The following CDH18 variants were observed in gnomAD, a reference collection of about 807,000 sequenced individuals.
CDH18 encodes cadherin-18.
Under a neutral mutation model 67.9 loss-of-function variants are expected in CDH18, and 31 were observed. The ratio of observed to expected loss-of-function variants is 0.46; its 90% CI spans 0.34 to 0.62. The LOEUF (loss-of-function observed/expected upper bound fraction) is 0.62. CDH18 is among the 20% of genes least tolerant of loss of function. CDH18 has a pLI of 0.01. For synonymous variants in CDH18, 362 were observed against 347.2 expected (o/e 1.04, Z -0.48); for missense variants, 890 against 975.5 (o/e 0.91, Z 1.17).
chr5:20,432,477 A>T (rs538332640), intron 1 of CDH18, among the ~76,000 whole-genome samples: 110 of 152,252 alleles, frequency 7.2e-4, no homozygotes, highest in Admixed American at 1.2e-3. Flanking sequence ...GAGATTTTAT[A>T]AAAAATATCA....
chr5:20,123,604 C>T (rs1252638153), intron 2 of CDH18, among the ~76,000 whole-genome samples: 1 of 152,144 alleles, frequency 6.6e-6, no homozygotes, highest in African/African-American at 2.4e-5. Flanking sequence ...TACAGGTCGG[C>T]CCGGCGCGGT....
At chr5:20,568,281 C>G (rs1758626621) in intron 1 of CDH18, among the ~76,000 whole-genome samples, 1 of 152,136 alleles carries the variant, frequency 6.6e-6, no homozygotes, top group Admixed American at 6.5e-5. Flanking sequence ...TTCCCTCTAT[C>G]AAAGGAATTT....
At chr5:19,615,200 T>C (rs1166640495) in intron 5 of CDH18, among the ~76,000 whole-genome samples, 3 of 151,616 alleles carry the variant, frequency 2.0e-5, no homozygotes. Context: ...CCCAGCTGCA[T>C]GTGCTTAGCT....
intron 1 of CDH18, among the ~76,000 whole-genome samples, chr5:20,456,217 T>C (rs905326118): frequency 6.6e-6 from 1 of 152,126 alleles, no homozygotes; most frequent in Non-Finnish European, 1.5e-5. Flanking sequence ...TTTGGAGATT[T>C]ACTAAATAGA....
At chr5:19,634,003 C>A (rs910264676) in intron 5 of CDH18, among the ~76,000 whole-genome samples, 2 of 152,116 alleles carry the variant, frequency 1.3e-5, no homozygotes, top group Non-Finnish European at 2.9e-5. Flanking sequence ...ACTTTAGTAA[C>A]TTCTTACTTG....
At chr5:19,645,651 T>C (rs1441847625) in intron 5 of CDH18, among the ~76,000 whole-genome samples, 3 of 152,156 alleles carry the variant, frequency 2.0e-5, no homozygotes, top group Non-Finnish European at 4.4e-5. Flanking sequence ...TCACTTTCTG[T>C]GTCATTTCAT....
intron 12 of CDH18, among the ~76,000 whole-genome samples, chr5:19,482,170 C>T (rs1739542823): frequency 6.6e-6 from 1 of 151,738 alleles, no homozygotes; most frequent in African/African-American, 2.4e-5. Flanking sequence ...GGCTGGAGTG[C>T]AGTGGCGCGA....
At chr5:20,483,665 A>T (rs560981401) in intron 1 of CDH18, among the ~76,000 whole-genome samples, 3 of 151,524 alleles carry the variant, frequency 2.0e-5, no homozygotes, top group African/African-American at 7.2e-5. Context: ...AAAAAAAAAA[A>T]CATACATTGG....
intron 1 of CDH18, among the ~76,000 whole-genome samples, chr5:20,471,413 C>A (rs1185106420): frequency 6.6e-6 from 1 of 152,086 alleles, no homozygotes; most frequent in Non-Finnish European, 1.5e-5. Flanking sequence ...TCATGGTAAT[C>A]TTTTTAATAT....
chr5:19,512,017 A>G (rs1745204247), intron 10 of CDH18, among the ~76,000 whole-genome samples: 1 of 152,122 alleles, frequency 6.6e-6, no homozygotes, highest in Non-Finnish European at 1.5e-5. Flanking sequence ...CCAGCCCAGG[A>G]CCATGCTGCT....
chr5:20,214,393 G>T (rs56705363), intron 2 of CDH18, among the ~76,000 whole-genome samples: 25 of 151,902 alleles, frequency 1.6e-4, no homozygotes, highest in Admixed American at 6.6e-4. Flanking sequence ...GCAGTCCTAC[G>T]CAAAGACAAC....
intron 2 of CDH18, among the ~76,000 whole-genome samples, chr5:19,858,277 T>C (rs1784514519): frequency 6.6e-6 from 1 of 152,124 alleles, no homozygotes; most frequent in Non-Finnish European, 1.5e-5. Context: ...TAGAAAGAAA[T>C]GTCTGGGTTA....
chr5:19,685,740 T>C (rs1182370027), intron 5 of CDH18, among the ~76,000 whole-genome samples: 1 of 152,178 alleles, frequency 6.6e-6, no homozygotes, highest in African/African-American at 2.4e-5. Context: ...TTGGCTTTGG[T>C]GCTATTACAT....
intron 1 of CDH18, among the ~76,000 whole-genome samples, chr5:20,481,582 T>A (rs1393518588): frequency 6.6e-6 from 1 of 152,024 alleles, no homozygotes; most frequent in Non-Finnish European, 1.5e-5. Context: ...TTTCAAAAAA[T>A]TTTGAAATTA....
At chr5:19,700,002 T>C (rs1226046540) in intron 5 of CDH18, among the ~76,000 whole-genome samples, 1 of 151,360 alleles carries the variant, frequency 6.6e-6, no homozygotes. Flanking sequence ...TAAGAATACA[T>C]TCAATTAATT....
intron 1 of CDH18, among the ~76,000 whole-genome samples, chr5:20,374,111 T>C (rs1451367283): frequency 1.3e-5 from 2 of 152,148 alleles, no homozygotes; most frequent in Non-Finnish European, 2.9e-5. Context: ...ATACCAAACC[T>C]AGAAAGGCCA....
intron 5 of CDH18, among the ~76,000 whole-genome samples, chr5:19,716,588 A>T (rs560036391): frequency 1.3e-4 from 19 of 151,996 alleles, no homozygotes; most frequent in Admixed American, 3.3e-4. Flanking sequence ...TTAGCATCTG[A>T]GATAGTGTTC....
At chr5:20,164,894 T>C (rs1218168299) in intron 2 of CDH18, among the ~76,000 whole-genome samples, 1 of 152,190 alleles carries the variant, frequency 6.6e-6, no homozygotes, top group African/African-American at 2.4e-5. Context: ...GAATACCATA[T>C]AAGCTTCATC....
intron 4 of CDH18, among the ~76,000 whole-genome samples, chr5:19,735,749 A>AAT (rs1182540175): frequency 2.6e-5 from 4 of 152,166 alleles, no homozygotes; most frequent in Non-Finnish European, 5.9e-5. Flanking sequence ...AAGAAAAATA[A>AAT]ATACAAGTCC....
Sources: gnomAD v4.1 joint callset for allele counts (sites outside exome capture counted in the v4.1 genomes callset) on GRCh38, gnomAD v4.1.1 for gene constraint, MANE v1.5 for transcripts, NCBI Gene and HGNC (gene_info 2026-07-23, HGNC 2026-07-21) for gene names.